Variants in GALK2 observed in about 807,000 individuals in gnomAD.
GALK2 encodes the protein N-acetylgalactosamine kinase.
A neutral mutation model predicts 52.4 loss-of-function variants in GALK2; 36 were observed. That is an observed-to-expected ratio of 0.69 (90% CI 0.53 to 0.91). The LOEUF (loss-of-function observed/expected upper bound fraction) is 0.91. Ranked by LOEUF, GALK2 falls within the 40% of genes least tolerant of loss-of-function variation. The pLI is 0.00. For synonymous variants in GALK2, 176 were observed against 199.1 expected (o/e 0.88, Z 0.98); for missense variants, 579 against 559.1 (o/e 1.04, Z -0.36).
chr15:49,215,822 A>G (rs1439448509), intron 2 of GALK2, among the ~76,000 whole-genome samples: 3 of 152,164 alleles, frequency 2.0e-5, no homozygotes, highest in African/African-American at 7.2e-5. Flanking sequence ...GGCATTGACA[A>G]ATTAGATATT....
At chr15:49,195,146 A>C (rs1014958448) in intron 1 of GALK2, 10 of 450,562 alleles carry the variant, frequency 2.2e-5, no homozygotes, top group Non-Finnish European at 4.0e-5. Context: ...ATCTTGGCTC[A>C]CTGCAACCTC....
rs189368783 is a variant in GALK2 at position 49,329,162 on chromosome 15, G to T, written c.*1003G>T. The T allele has an allele frequency of 4.1e-6, 4 of 987,302 alleles. No individual in the cohort carries two copies. In the African/African-American group the frequency reaches 7.0e-5, roughly 17 times the overall value. The allele number at this position is 987,302 out of a possible 1,614,324, so 61.2% of individuals were successfully genotyped here. Reference sequence around the variant, plus strand: ...ACCCCATTGTAAAGCAGGTATGCAGGTATGTGGGTGAAAGTGACTATGAAA... The same window carrying T: ...ACCCCATTGTAAAGCAGGTATGCAGTTATGTGGGTGAAAGTGACTATGAAA... On this transcript the variant is annotated 3_prime_UTR_variant, in exon 10 of 10. Coordinates refer to ENST00000560031, the MANE Select transcript of GALK2 (RefSeq NM_002044.4).
At chr15:49,269,753 C>T (rs575653377) in intron 5 of GALK2, among the ~76,000 whole-genome samples, 1 of 152,128 alleles carries the variant, frequency 6.6e-6, no homozygotes, top group Non-Finnish European at 1.5e-5. Context: ...ATTTTCTACC[C>T]TCTGTTACCA....
intron 8 of GALK2, among the ~76,000 whole-genome samples, chr15:49,300,052 A>C (rs1043994902): frequency 6.6e-6 from 1 of 151,810 alleles, no homozygotes; most frequent in East Asian, 1.9e-4. Flanking sequence ...GTCTCCCACT[A>C]TTATTGTTTG....
At chr15:49,336,627 T>C, downstream of GALK2, among the ~76,000 whole-genome samples, 1 of 152,242 alleles carries the variant, frequency 6.6e-6, no homozygotes, top group East Asian at 1.9e-4. Flanking sequence ...CTCATTTTAT[T>C]TATTTTTCAC....
chr15:49,225,319 G>T (rs1442675772), intron 3 of GALK2: 1 of 447,266 alleles, frequency 2.2e-6, no homozygotes, highest in Middle Eastern at 3.6e-4. Flanking sequence ...CTGCTTCATG[G>T]CCTGTTCAGA....
intron 1 of GALK2, among the ~76,000 whole-genome samples, chr15:49,198,146 A>G (rs945888896): frequency 6.6e-6 from 1 of 152,134 alleles, no homozygotes; most frequent in African/African-American, 2.4e-5. Flanking sequence ...TTAATTACCT[A>G]CCATCTCTCA....
intron 3 of GALK2, among the ~76,000 whole-genome samples, chr15:49,357,700 T>C (rs982637194): frequency 2.6e-5 from 4 of 151,602 alleles, no homozygotes; most frequent in Non-Finnish European, 4.4e-5. Context: ...ACTATTCCAA[T>C]CAATAGAAAA....
chr15:49,298,076 G>C lies in GALK2; in HGVS notation c.967+5539G>C, dbSNP rs184244657. On this transcript the variant is annotated intron_variant, in intron 8 of 9. Transcript: ENST00000560031. The stretch of plus-strand genomic sequence containing the variant: ...ATGGAAAGTTTTCCCATTTGTTTGT[G>C]TTGTCTCTGATTTCTTTCAGCCATG... 1.6e-3 allele frequency among the ~76,000 whole-genome samples: 244 copies of C among 152,072 alleles called. 1 individual carries two copies. The highest frequency in any genetic ancestry group is 5.7e-3 in the African/African-American group (236 of 41,506).
chr15:49,226,392 T>A (rs1200705786), intron 3 of GALK2, among the ~76,000 whole-genome samples: 1 of 152,128 alleles, frequency 6.6e-6, no homozygotes, highest in Non-Finnish European at 1.5e-5. Context: ...TCAGCCTCAG[T>A]GTCAGTGTTG....
intron 8 of GALK2, among the ~76,000 whole-genome samples, chr15:49,307,309 C>T (rs751646026): frequency 1.3e-5 from 2 of 152,058 alleles, no homozygotes; most frequent in South Asian, 4.1e-4. Context: ...GTTGATGTTT[C>T]TTGATGAATT....
chr15:49,228,958 G>A (rs1036961111), intron 3 of GALK2, among the ~76,000 whole-genome samples: 2 of 151,784 alleles, frequency 1.3e-5, no homozygotes, highest in African/African-American at 4.8e-5. Context: ...GCCTTCCAAA[G>A]TGCTGGGATT....
chr15:49,361,645 T>C (rs1179743191), intron 3 of GALK2, among the ~76,000 whole-genome samples: 1 of 152,160 alleles, frequency 6.6e-6, no homozygotes, highest in African/African-American at 2.4e-5. Flanking sequence ...CCTAGTCCTG[T>C]TGATGGGCAT....
chr15:49,239,428 T>C, intron 5 of GALK2, 61 bp downstream of exon 5: 1 of 1,504,664 alleles, frequency 6.6e-7, no homozygotes, highest in Non-Finnish European at 9.2e-7. Context: ...AGCATCCAAA[T>C]CTCAAATCAG....
intron 8 of GALK2, among the ~76,000 whole-genome samples, chr15:49,316,677 G>A (rs1431064008): frequency 6.6e-6 from 1 of 152,112 alleles, no homozygotes; most frequent in Non-Finnish European, 1.5e-5. Flanking sequence ...TGGCTCATTA[G>A]TAGAAATGTA....
chr15:49,155,886 C>G, exon 1 of GALK2: 1 of 1,245,736 alleles, frequency 8.0e-7, no homozygotes, highest in Non-Finnish European at 1.2e-6. Context: ...TTTCCAGCCT[C>G]CTGGGTAAAG....
chr15:49,207,326 T>C (rs2088378662), intron 2 of GALK2, among the ~76,000 whole-genome samples: 1 of 152,210 alleles, frequency 6.6e-6, no homozygotes, highest in African/African-American at 2.4e-5. Flanking sequence ...TTCCTGGTTT[T>C]GATATTAGGG....
At chr15:49,262,762 T>TACAA (rs940159813) in intron 5 of GALK2, among the ~76,000 whole-genome samples, 2 of 147,414 alleles carry the variant, frequency 1.4e-5, no homozygotes, top group African/African-American at 5.1e-5. Flanking sequence ...GATTCTGGTA[T>TACAA]GTTGTGTCTT....
chr15:49,257,424 A>G (rs958467438), intron 5 of GALK2, among the ~76,000 whole-genome samples: 1 of 152,112 alleles, frequency 6.6e-6, no homozygotes, highest in East Asian at 1.9e-4. Context: ...CACTCATATA[A>G]TATAATTGGC....
Sources: allele counts gnomAD v4.1 joint callset (sites outside exome capture counted in the v4.1 genomes callset), GRCh38; gene constraint gnomAD v4.1.1; transcripts MANE v1.5; gene names NCBI Gene and HGNC (gene_info 2026-07-23, HGNC 2026-07-21).